The following MACC1 variants were observed in gnomAD, a reference collection of about 807,000 sequenced individuals.
MACC1 encodes the protein MET transcriptional regulator MACC1.
Under a neutral mutation model 70.7 loss-of-function variants are expected in MACC1, and 79 were observed. The ratio of observed to expected loss-of-function variants is 1.12; its 90% CI spans 0.93 to 1.35. The LOEUF (loss-of-function observed/expected upper bound fraction) is 1.35. MACC1 is among the 40% of genes most tolerant of loss of function. The pLI is 0.00. For missense variants in MACC1, 1,106 were observed against 978.1 expected, an observed-to-expected ratio of 1.13 and a Z score of -1.74; for synonymous variants, 361 against 347.2, an observed-to-expected ratio of 1.04 and a Z score of -0.44.
chr7:20,205,857 G>A (rs746742231), intron 1 of MACC1, among the ~76,000 whole-genome samples: 26 of 151,972 alleles, frequency 1.7e-4, no homozygotes, highest in African/African-American at 5.8e-4. Context: ...CTTTTCTGAC[G>A]TCTCCATGTG....
chr7:20,214,726 A>G (rs146775941), intron 1 of MACC1, among the ~76,000 whole-genome samples: 2 of 152,344 alleles, frequency 1.3e-5, no homozygotes, highest in East Asian at 3.9e-4. Flanking sequence ...TATCAAAAAC[A>G]ACAAAACTTA....
chr7:20,151,870 A>G (rs966766928), intron 6 of MACC1, among the ~76,000 whole-genome samples: 6 of 152,130 alleles, frequency 3.9e-5, no homozygotes, highest in South Asian at 2.1e-4. Flanking sequence ...TCACCATATT[A>G]AACAGTGATG....
At chr7:20,150,457 C>G (rs931505021) in intron 6 of MACC1, 1 of 152,184 alleles carries the variant, frequency 6.6e-6, no homozygotes, top group African/African-American at 2.4e-5. Context: ...GTACTTTGAA[C>G]TCTCCAGCGG....
chr7:20,172,740 C>A (rs1049267132), intron 1 of MACC1, among the ~76,000 whole-genome samples: 1 of 152,192 alleles, frequency 6.6e-6, no homozygotes, highest in Non-Finnish European at 1.5e-5. Flanking sequence ...CCCAAAGTGA[C>A]AGTGAACCTC....
chr7:20,162,608 G>A (rs1287234773), intron 3 of MACC1, among the ~76,000 whole-genome samples: 1 of 152,058 alleles, frequency 6.6e-6, no homozygotes, highest in Non-Finnish European at 1.5e-5. Flanking sequence ...ACAGAATAGA[G>A]ATCTCAGAAT....
chr7:20,155,070 A>G (rs1184497866), intron 5 of MACC1, among the ~76,000 whole-genome samples: 1 of 152,180 alleles, frequency 6.6e-6, no homozygotes, highest in East Asian at 1.9e-4. Flanking sequence ...CTACAATGCA[A>G]AATAGAAAAC....
intron 2 of MACC1, among the ~76,000 whole-genome samples, chr7:20,166,121 G>A (rs1477262580): frequency 6.6e-6 from 1 of 152,164 alleles, no homozygotes; most frequent in Non-Finnish European, 1.5e-5. Context: ...CCAGCTGGTA[G>A]GTTCAAAGTA....
intron 1 of MACC1, among the ~76,000 whole-genome samples, chr7:20,214,684 G>A (rs886175877): frequency 1.3e-5 from 2 of 152,112 alleles, no homozygotes; most frequent in Admixed American, 1.3e-4. Context: ...TATAAAGGAA[G>A]CTTAAACAAG....
At chr7:20,153,732 G>A (rs930395600) in intron 6 of MACC1, among the ~76,000 whole-genome samples, 2 of 152,130 alleles carry the variant, frequency 1.3e-5, no homozygotes, top group South Asian at 2.1e-4. Flanking sequence ...ATCACCAGTG[G>A]CTCTACATCC....
Position 20,136,574 on chromosome 7 carries a change from A to G in MACC1, c.*4372T>C, listed in dbSNP as rs1319233146. On this transcript the variant is annotated 3_prime_UTR_variant, in exon 7 of 7. Coordinates refer to ENST00000400331, the MANE Select transcript of MACC1 (RefSeq NM_182762.4). ...GTGTACAAATTCAACTTTCCTATGT[A>G]TATGTGGTCACTTTATTTTGTGCTG... 3 of 152,206 alleles carry G rather than the reference A, an allele frequency of 2.0e-5. No individual in the cohort carries two copies. Among genetic ancestry groups the G allele is most frequent in the Non-Finnish European group, 1.5e-5 (1 of 68,026 alleles). 9.4% of individuals were successfully genotyped at this position (152,206 alleles called of 1,614,324 possible). A position where few individuals can be genotyped will look rare whatever the true frequency, so the allele number is the denominator to read the frequency against.
At chr7:20,169,691 T>A (rs1448791613) in intron 2 of MACC1, among the ~76,000 whole-genome samples, 1 of 152,264 alleles carries the variant, frequency 6.6e-6, no homozygotes, top group African/African-American at 2.4e-5. Context: ...TACAATTCTC[T>A]GGTTACAGTC....
chr7:20,197,794 A>AT (rs1300422331), intron 1 of MACC1, among the ~76,000 whole-genome samples: 1 of 152,268 alleles, frequency 6.6e-6, no homozygotes, highest in African/African-American at 2.4e-5. Context: ...GTGAAACAGA[A>AT]AAGTTTCAAT....
chr7:20,176,929 T>C (rs181182635), intron 1 of MACC1, among the ~76,000 whole-genome samples: 21 of 151,644 alleles, frequency 1.4e-4, no homozygotes, highest in Non-Finnish European at 2.9e-4. Flanking sequence ...GGAAGAGGAG[T>C]GGATGTAACT....
chr7:20,200,467 C>T (rs753473435), intron 1 of MACC1, among the ~76,000 whole-genome samples: 9 of 152,146 alleles, frequency 5.9e-5, no homozygotes, highest in Non-Finnish European at 8.8e-5. Flanking sequence ...CTGGTCATAA[C>T]GACAAATCCT....
intron 1 of MACC1, among the ~76,000 whole-genome samples, chr7:20,214,108 G>A (rs1783035860): frequency 1.3e-5 from 2 of 151,980 alleles, no homozygotes; most frequent in South Asian, 4.2e-4. Context: ...TATTCCCTAT[G>A]CTCCAATCCT....
intron 2 of MACC1, 75 bp downstream of exon 2, chr7:20,170,639 T>C (rs1782289580): frequency 6.6e-6 from 1 of 152,266 alleles, no homozygotes; most frequent in Non-Finnish European, 1.5e-5. Flanking sequence ...GAGTTGTTAC[T>C]GTATGGAATT....
At chr7:20,200,818 C>T (rs1782822615) in intron 1 of MACC1, among the ~76,000 whole-genome samples, 1 of 152,138 alleles carries the variant, frequency 6.6e-6, no homozygotes, top group Non-Finnish European at 1.5e-5. Flanking sequence ...GGGTGGATAT[C>T]CAGTAAGAAT....
chr7:20,143,052 A>T (rs6959343), intron 6 of MACC1, among the ~76,000 whole-genome samples: 86,851 of 152,090 alleles, frequency 0.57, 26,573 homozygotes, highest in East Asian at 0.84. Context: ...GAATTATAAA[A>T]GGGTAATTTT....
chr7:20,211,324 AC>A (rs781616539), intron 1 of MACC1, among the ~76,000 whole-genome samples: 5 of 152,120 alleles, frequency 3.3e-5, no homozygotes, highest in Non-Finnish European at 7.4e-5. Flanking sequence ...CTCAGTTGGT[AC>A]TAATAGTTAC....
Sources: allele counts gnomAD v4.1 joint callset (sites outside exome capture counted in the v4.1 genomes callset), GRCh38; gene constraint gnomAD v4.1.1; transcripts MANE v1.5; gene names NCBI Gene and HGNC (gene_info 2026-07-23, HGNC 2026-07-21).